Variants in FBXO11 observed in about 807,000 individuals in gnomAD.
FBXO11 encodes the protein F-box protein 11.
Under a neutral mutation model 117.0 loss-of-function variants are expected in FBXO11, and 13 were observed. The ratio of observed to expected loss-of-function variants is 0.11; its 90% CI spans 0.07 to 0.18. The LOEUF is 0.18. FBXO11 is among the 10% of genes least tolerant of loss of function. The pLI is 1.00. For missense variants in FBXO11, 767 were observed against 1,164.4 expected (o/e 0.66, Z 4.97); for synonymous variants, 490 against 380.5 (o/e 1.29, Z -3.35).
intron 11 of FBXO11, 83 bp downstream of exon 11, chr2:47,832,266 G>C: frequency 8.6e-7 from 1 of 1,161,130 alleles, no homozygotes; most frequent in South Asian, 1.6e-5. Context: ...AGATAATTTG[G>C]TGATGAGAAA....
At chr2:47,872,688 A>G (rs943104084) in intron 1 of FBXO11, among the ~76,000 whole-genome samples, 1 of 152,218 alleles carries the variant, frequency 6.6e-6, no homozygotes, top group African/African-American at 2.4e-5. Context: ...ACAAGTACAC[A>G]GTAGAGTTTT....
intron 1 of FBXO11, among the ~76,000 whole-genome samples, chr2:47,840,713 A>G (rs1672951796): frequency 6.6e-6 from 1 of 151,718 alleles, no homozygotes; most frequent in African/African-American, 2.4e-5. Flanking sequence ...CTTGGCCTCC[A>G]AAGTGCTTTC....
chr2:47,860,814 G>GA (rs56054034), intron 1 of FBXO11, among the ~76,000 whole-genome samples: 10 of 138,784 alleles, frequency 7.2e-5, no homozygotes, highest in East Asian at 2.1e-4. Flanking sequence ...TGGAAAATAG[G>GA]AAAAAAAAAA....
intron 1 of FBXO11, among the ~76,000 whole-genome samples, chr2:47,860,369 T>G (rs1674666248): frequency 6.6e-6 from 1 of 151,802 alleles, no homozygotes; most frequent in Non-Finnish European, 1.5e-5. Flanking sequence ...ATTATGAATG[T>G]AAGTTTTCAA....
chr2:47,872,526 G>C (rs576212960), intron 1 of FBXO11, among the ~76,000 whole-genome samples: 2 of 152,200 alleles, frequency 1.3e-5, no homozygotes, highest in Admixed American at 6.5e-5. Flanking sequence ...GTTTCACCAT[G>C]TTGGCCAGAG....
intron 1 of FBXO11, among the ~76,000 whole-genome samples, chr2:47,900,100 G>A (rs376179785): frequency 6.6e-6 from 1 of 152,010 alleles, no homozygotes; most frequent in African/African-American, 2.4e-5. Context: ...AGAAAAGCAG[G>A]ATAAGAGCTC....
In FBXO11 at chr2:47,905,789, A is replaced by G; in HGVS notation, c.-69T>C. The G allele has an allele frequency of 3.7e-6, 4 of 1,081,134 alleles. No individual in the cohort carries two copies. Among genetic ancestry groups the G allele is most frequent in the Non-Finnish European group, 4.8e-6 (4 of 824,828 alleles). 67.0% of individuals were successfully genotyped at this position (1,081,134 alleles called of 1,614,324 possible). ...GCACACGCACAGCGAGCTTCGGGGCAGGAGAAAGGGGTGGGGAGAGTGGGA... is the reference window on the plus strand; with the variant it reads ...GCACACGCACAGCGAGCTTCGGGGCGGGAGAAAGGGGTGGGGAGAGTGGGA... On this transcript the variant is annotated 5_prime_UTR_variant, in exon 1 of 23. Transcript: ENST00000403359.
intron 4 of FBXO11, among the ~76,000 whole-genome samples, chr2:47,838,061 C>CAAAA (rs11286219): frequency 9.6e-6 from 1 of 104,506 alleles, no homozygotes; most frequent in African/African-American, 3.7e-5. Context: ...CCCTTTGTCT[C>CAAAA]AAAAAAAAAA....
intron 1 of FBXO11, among the ~76,000 whole-genome samples, chr2:47,898,400 G>C (rs997240551): frequency 1.3e-5 from 2 of 152,152 alleles, no homozygotes; most frequent in South Asian, 2.1e-4. Context: ...AGAATATTTA[G>C]TCCACAAACC....
At position 47,834,631 on chromosome 2, in the gene FBXO11, T is replaced by C. The variant is rs948091027; in HGVS notation, c.882A>G (p.Ile294Met). 29 of 1,608,812 alleles carry C rather than the reference T, an allele frequency of 1.8e-5. No homozygotes were observed. Among genetic ancestry groups the C allele is most frequent in the Non-Finnish European group, 2.2e-5 (26 of 1,176,856 alleles). ...FDGLIFVHSG[I>M]YTDEWIYIES... Reference sequence around the variant, plus strand: ...CAATATATATCCATTCATCAGTATATATTCCAGAATGAACAAAGATAAGTC... The same window carrying C: ...CAATATATATCCATTCATCAGTATACATTCCAGAATGAACAAAGATAAGTC... The change falls in exon 7 of 23, where the codon ATA becomes ATG. Residue 294 changes from isoleucine to methionine, a missense_variant. Transcript: ENST00000403359.
In FBXO11 at chr2:47,906,114, C is replaced by A. The variant is rs1164820216; in HGVS notation, c.-394G>T. ...CTGAAGAGACAGATCCCGGTCCCGC[C>A]GACTCGCGAGCGGCGTCTCCGGCAG... On this transcript the variant is annotated 5_prime_UTR_variant, in exon 1 of 23. Coordinates refer to ENST00000403359, the MANE Select transcript of FBXO11 (RefSeq NM_001190274.2). 2 of 187,008 alleles carry A rather than the reference C, an allele frequency of 1.1e-5. No homozygotes were observed. Among genetic ancestry groups the A allele is most frequent in the African/African-American group, 2.4e-5 (1 of 41,940 alleles). 11.6% of individuals were successfully genotyped at this position (187,008 alleles called of 1,614,324 possible).
At chr2:47,820,930 G>A (rs1490651170) in intron 13 of FBXO11, among the ~76,000 whole-genome samples, 2 of 152,184 alleles carry the variant, frequency 1.3e-5, no homozygotes, top group African/African-American at 4.8e-5. Context: ...GCACATATTG[G>A]TGTCTGGCAC....
At chr2:47,847,843 T>C (rs377142558) in intron 1 of FBXO11, among the ~76,000 whole-genome samples, 7 of 151,754 alleles carry the variant, frequency 4.6e-5, no homozygotes, top group African/African-American at 9.7e-5. Flanking sequence ...CACACACATA[T>C]GGCCAGGCAC....
At chr2:47,875,625 A>G (rs979985138) in intron 1 of FBXO11, among the ~76,000 whole-genome samples, 1 of 152,162 alleles carries the variant, frequency 6.6e-6, no homozygotes, top group Non-Finnish European at 1.5e-5. Flanking sequence ...AGGTTTATAA[A>G]AAAGGGTCTA....
chr2:47,894,197 C>T (rs1677478972), intron 1 of FBXO11, among the ~76,000 whole-genome samples: 2 of 152,164 alleles, frequency 1.3e-5, no homozygotes, highest in Admixed American at 1.3e-4. Context: ...GGCACTTTTT[C>T]ACCTTCCTCC....
chr2:47,876,197 G>A (rs1675993077), intron 1 of FBXO11, among the ~76,000 whole-genome samples: 1 of 131,158 alleles, frequency 7.6e-6, no homozygotes, highest in African/African-American at 2.5e-5. Flanking sequence ...CTCTTTTTGT[G>A]CTACTTTTTG....
chr2:47,831,050 T>G (rs1672144499), intron 11 of FBXO11, among the ~76,000 whole-genome samples: 1 of 151,770 alleles, frequency 6.6e-6, no homozygotes. Flanking sequence ...CCAACTGCCT[T>G]GGCCTCCCAA....
rs151145253 is a variant in FBXO11 at position 47,836,101 on chromosome 2, A to G, written c.588-100T>C. The G allele has an allele frequency of 3.2e-5, 23 of 720,684 alleles. No individual in the cohort carries two copies. In the East Asian group the frequency reaches 5.2e-4, roughly 16 times the overall value. 44.6% of individuals were successfully genotyped at this position (720,684 alleles called of 1,614,324 possible). ...AATTATTTGAGGCCTCAAAAACTTG[A>G]GTAAGAAAGTAAGAATAGACAAAAA... is the stretch of plus-strand genomic sequence containing the variant. On this transcript the variant is annotated intron_variant, in intron 4 of 22. Coordinates refer to ENST00000403359, the MANE Select transcript of FBXO11 (RefSeq NM_001190274.2).
intron 4 of FBXO11, among the ~76,000 whole-genome samples, chr2:47,836,251 G>C (rs570707314): frequency 6.6e-6 from 1 of 151,930 alleles, no homozygotes; most frequent in African/African-American, 2.4e-5. Context: ...TCAGCCTCCT[G>C]AGTAGCTGAG....
Sources: allele counts gnomAD v4.1 joint callset (sites outside exome capture counted in the v4.1 genomes callset), GRCh38; gene constraint gnomAD v4.1.1; transcripts MANE v1.5; gene names NCBI Gene and HGNC (gene_info 2026-07-23, HGNC 2026-07-21).